The following ACP2 variants were observed in gnomAD, a reference collection of about 807,000 sequenced individuals.
The protein encoded by ACP2 is acid phosphatase 2, lysosomal, also known as lysosomal acid phosphatase.
A neutral mutation model predicts 54.7 loss-of-function variants in ACP2; 35 were observed. The observed-to-expected ratio is 0.64, with a 90% confidence interval of 0.49 to 0.85. ACP2 has a LOEUF of 0.85. ACP2 is among the 40% of genes least tolerant of loss of function. The pLI, the probability that ACP2 is intolerant of heterozygous loss-of-function variation, is 0.00. For synonymous variants in ACP2, 210 were observed against 224.4 expected (o/e 0.94, Z 0.57); for missense variants, 492 against 565.0 (o/e 0.87, Z 1.31).
intron 10 of ACP2, among the ~76,000 whole-genome samples, chr11:47,241,009 C>T (rs1356911227): frequency 6.6e-6 from 1 of 152,010 alleles, no homozygotes; most frequent in Non-Finnish European, 1.5e-5. Context: ...GGCAAAAGGC[C>T]CAGATGTGGG....
intron 10 of ACP2, among the ~76,000 whole-genome samples, chr11:47,241,243 C>T (rs1033852820): frequency 2.6e-5 from 4 of 152,168 alleles, no homozygotes; most frequent in African/African-American, 4.8e-5. Flanking sequence ...CTCAGTCGGC[C>T]GCGGTGGCTC....
intron 10 of ACP2, among the ~76,000 whole-genome samples, 182 bp downstream of exon 10, chr11:47,242,541 A>G (rs961806389): frequency 1.3e-5 from 2 of 152,106 alleles, no homozygotes; most frequent in African/African-American, 4.8e-5. Flanking sequence ...TCTCGGTGAT[A>G]CAAGTGAGAC....
Position 47,242,722 on chromosome 11 carries a change from C to T in ACP2, c.1138+1G>A. On this transcript the variant is annotated splice_donor_variant, in intron 10 of 10. Coordinates refer to ENST00000672073, the MANE Select transcript of ACP2 (RefSeq NM_001610.4). LOFTEE classifies it high-confidence loss of function. ...TAGCAAGGAGGCCGGTGACAGCTCA[C>T]CTGTGTCTGCAGGACCGCTTGCCAG... 6.2e-7 allele frequency: 1 copy of T among 1,611,216 alleles called. No homozygotes were observed.
chr11:47,245,453 T>C, intron 5 of ACP2, 21 bp downstream of exon 5: 1 of 1,614,234 alleles, frequency 6.2e-7, no homozygotes, highest in East Asian at 2.2e-5. Context: ...CGTGGTGAGC[T>C]GCACCTCTGC....
chr11:47,241,175 C>A (rs1953866979), intron 10 of ACP2, among the ~76,000 whole-genome samples: 1 of 152,134 alleles, frequency 6.6e-6, no homozygotes, highest in Admixed American at 6.5e-5. Flanking sequence ...GATGGGAAGC[C>A]ACTAGAAAAT....
rs144263420 is a variant in ACP2, at chr11:47,248,702, C to T, written c.88G>A (p.Ala30Thr). 21 of 1,612,132 alleles carry T rather than the reference C, an allele frequency of 1.3e-5. No individual in the cohort carries two copies. The highest frequency in any genetic ancestry group is 1.7e-5 in the Non-Finnish European group (20 of 1,179,324). ...VNLVVMPPTRARSLRFVTLLY... is the reference protein window; with the variant it reads ...VNLVVMPPTRTRSLRFVTLLY... ...AAGGTAACGAAGCGCAGACTCCGGGCCCGGGTGGGCGGCATCACCACCAGG... is the reference window on the plus strand; with the variant it reads ...AAGGTAACGAAGCGCAGACTCCGGGTCCGGGTGGGCGGCATCACCACCAGG... Residue 30 changes from alanine to threonine, a missense_variant, in exon 1 of 11, where the codon GCC becomes ACC. By Grantham distance (58) the Ala-to-Thr change is moderately conservative. Coordinates refer to ENST00000672073, the MANE Select transcript of ACP2 (RefSeq NM_001610.4).
chr11:47,239,859 G>A lies in ACP2; in HGVS notation c.*257C>T. The A allele has an allele frequency of 2.1e-6, 1 of 486,686 alleles. No individual in the cohort carries two copies. Among genetic ancestry groups the A allele is most frequent in the East Asian group, 3.5e-5 (1 of 28,558 alleles). The allele number at this position is 486,686 out of a possible 1,614,324, so 30.1% of individuals were successfully genotyped here. ...GACTGCCAGTTTACATCTCAGGTGT[G>A]TAGGGAGCGTGGAGGAGGCAAATCC... is the stretch of plus-strand genomic sequence containing the variant. On this transcript the variant is annotated 3_prime_UTR_variant, in exon 11 of 11. Coordinates refer to ENST00000672073, the MANE Select transcript of ACP2 (RefSeq NM_001610.4).
chr11:47,239,834 G>A lies in ACP2; in HGVS notation c.*282C>T. 2.5e-6 allele frequency: 1 copy of A among 404,072 alleles called. No individual in the cohort carries two copies. Among genetic ancestry groups the A allele is most frequent in the Non-Finnish European group, 4.5e-6 (1 of 223,518 alleles). The allele number at this position is 404,072 out of a possible 1,614,324, so 25.0% of individuals were successfully genotyped here. ...TAATCCTAGGTCCTGAGTGAACACT[G>A]ACTGCCAGTTTACATCTCAGGTGTG... On this transcript the variant is annotated 3_prime_UTR_variant, in exon 11 of 11. Coordinates refer to ENST00000672073, the MANE Select transcript of ACP2 (RefSeq NM_001610.4).
rs766802738 is a variant in ACP2, at chr11:47,243,067, C to T, written c.913G>A (p.Ala305Thr). ...AATATGTGGCAGGAGGCGTAGGGGGCTTGTTCACCATTGTAGACATCCAGT... is the reference window on the plus strand; with the variant it reads ...AATATGTGGCAGGAGGCGTAGGGGGTTTGTTCACCATTGTAGACATCCAGT... The part of the protein sequence containing the change: ...MALDVYNGEQ[A>T]PYASCHIFEL... The change falls in exon 9 of 11, where the codon GCC (alanine) becomes ACC (threonine). Residue 305 changes from alanine (A) to threonine (T), a missense_variant. Transcript: ENST00000672073. 13 of 1,614,118 alleles carry T rather than the reference C, an allele frequency of 8.1e-6. No homozygotes were observed. The African/African-American group carries it at 1.1e-4, about 13-fold the overall frequency.
At chr11:47,247,954 T>C in intron 2 of ACP2, 84 bp downstream of exon 2, 2 of 1,238,594 alleles carry the variant, frequency 1.6e-6, no homozygotes, top group Non-Finnish European at 2.3e-6. Context: ...AAAGGCAGTT[T>C]AGTAGGACCC....
chr11:47,246,456 G>T (rs1294921571), intron 3 of ACP2, among the ~76,000 whole-genome samples: 3 of 151,986 alleles, frequency 2.0e-5, no homozygotes, highest in Admixed American at 6.6e-5. Context: ...GGCACTTGTA[G>T]TCCCAGCTAC....
rs1412855134 is a variant in ACP2 at position 47,239,817 on chromosome 11, G to C, written c.*299C>G. On this transcript the variant is annotated 3_prime_UTR_variant, in exon 11 of 11. Transcript: ENST00000672073. ...CCAACTCTGCCATTTTCTAATCCTA[G>C]GTCCTGAGTGAACACTGACTGCCAG... 2 of 351,118 alleles carry C rather than the reference G, an allele frequency of 5.7e-6. No individual in the cohort carries two copies. Among genetic ancestry groups the C allele is most frequent in the South Asian group, 1.1e-4 (2 of 17,588 alleles). The allele number at this position is 351,118 out of a possible 1,614,324, so 21.8% of individuals were successfully genotyped here.
chr11:47,239,999 A>C lies in ACP2; in HGVS notation c.*117T>G. On this transcript the variant is annotated 3_prime_UTR_variant, in exon 11 of 11. Transcript: ENST00000672073. Reference sequence around the variant, plus strand: ...CCCACTCGCTCATCTGGCTGGGGTCATCAGAGGGAGGCCCAACCCAGGATC... The same window carrying C: ...CCCACTCGCTCATCTGGCTGGGGTCCTCAGAGGGAGGCCCAACCCAGGATC... 1 of 1,172,898 alleles carries C rather than the reference A, an allele frequency of 8.5e-7. No homozygotes were observed. The highest frequency in any genetic ancestry group is 1.2e-6 in the Non-Finnish European group (1 of 834,570). 72.7% of individuals were successfully genotyped at this position (1,172,898 alleles called of 1,614,324 possible).
chr11:47,243,744 G>A (rs1953957660), intron 7 of ACP2, among the ~76,000 whole-genome samples: 1 of 152,192 alleles, frequency 6.6e-6, no homozygotes, highest in Admixed American at 6.5e-5. Context: ...TGGCATGTGT[G>A]TTACTCTCAG....
rs762176748 is a variant in ACP2 at position 47,240,132 on chromosome 11, C to T, written c.1256G>A (p.Gly419Glu). 1.2e-6 allele frequency: 2 copies of T among 1,613,798 alleles called. No individual in the cohort carries two copies. The highest frequency in any genetic ancestry group is 1.7e-6 in the Non-Finnish European group (2 of 1,179,904). ...GAGTGGTTGTCAGGCGTGGTCCTCC[C>T]CATCTGCGACGTGGCGGTAGCCAGG... ...QPPGYRHVADGEDHA is the reference protein window; with the variant it reads ...QPPGYRHVADEEDHA Residue 419 changes from glycine to glutamate, a missense_variant, in exon 11 of 11, where the codon GGG (glycine) becomes GAG (glutamate). Gly to Glu is a moderately conservative substitution (Grantham distance 98). Coordinates refer to ENST00000672073, the MANE Select transcript of ACP2 (RefSeq NM_001610.4).
chr11:47,242,904 G>T lies in ACP2; in HGVS notation c.963-6C>A. 1 of 1,609,638 alleles carries T rather than the reference G, an allele frequency of 6.2e-7. No individual in the cohort carries two copies. Among genetic ancestry groups the T allele is most frequent in the East Asian group, 2.2e-5 (1 of 44,736 alleles). The stretch of plus-strand genomic sequence containing the variant: ...ACATCTCCACTGAGAAATTCCTGAG[G>T]GTCGACAGGAGGCAACATGGGAGCT... On this transcript the variant is annotated splice_polypyrimidine_tract_variant and splice_region_variant and intron_variant, in intron 9 of 10. Coordinates refer to ENST00000672073, the MANE Select transcript of ACP2 (RefSeq NM_001610.4).
At chr11:47,242,121 T>C (rs546898239) in intron 10 of ACP2, among the ~76,000 whole-genome samples, 9 of 152,180 alleles carry the variant, frequency 5.9e-5, no homozygotes, top group Non-Finnish European at 1.0e-4. Flanking sequence ...ACCAATTATG[T>C]AATGCTGCTG....
chr11:47,240,138 G>T lies in ACP2; in HGVS notation c.1250C>A (p.Ala417Glu). Residue 417 changes from alanine (A) to glutamate (E), a missense_variant, in exon 11 of 11, where the codon GCA (alanine) becomes GAA (glutamate). Ala to Glu is a moderately radical substitution (Grantham distance 107). Coordinates refer to ENST00000672073, the MANE Select transcript of ACP2 (RefSeq NM_001610.4). ...QAQPPGYRHV[A>E]DGEDHA ...TTGTCAGGCGTGGTCCTCCCCATCT[G>T]CGACGTGGCGGTAGCCAGGAGGCTG... The T allele has an allele frequency of 6.2e-7, 1 of 1,614,024 alleles. No individual in the cohort carries two copies. The highest frequency in any genetic ancestry group is 8.5e-7 in the Non-Finnish European group (1 of 1,179,998).
rs1016763881 is a variant in ACP2, at chr11:47,247,940, G to A, written c.210+98C>T. On this transcript the variant is annotated intron_variant, in intron 2 of 10. Coordinates refer to ENST00000672073, the MANE Select transcript of ACP2 (RefSeq NM_001610.4). ...ATCTGGTCAAAGTCAGCACCCATAT[G>A]GGAAAAGGCAGTTTAGTAGGACCCC... The A allele has an allele frequency of 6.3e-6, 7 of 1,115,606 alleles. No individual in the cohort carries two copies. The African/African-American group carries it at 1.1e-4, about 17-fold the overall frequency. 69.1% of individuals were successfully genotyped at this position (1,115,606 alleles called of 1,614,324 possible).
Sources: gnomAD v4.1 joint callset for allele counts (sites outside exome capture counted in the v4.1 genomes callset) on GRCh38, gnomAD v4.1.1 for gene constraint, MANE v1.5 for transcripts, NCBI Gene and HGNC (gene_info 2026-07-23, HGNC 2026-07-21) for gene names.